USP31: variants seen among roughly 807,000 people sequenced by gnomAD.
USP31 encodes the protein ubiquitin specific peptidase 31.
In USP31, 44 loss-of-function variants were observed where a neutral mutation model predicts 119.4. The observed-to-expected ratio is 0.37, with a 90% CI of 0.29 to 0.47. The LOEUF is 0.47. Among genes scored for constraint, USP31 ranks in the 20% least tolerant of loss-of-function variants. The pLI, the probability that USP31 is intolerant of heterozygous loss-of-function variation, is 0.99. For synonymous variants in USP31, 749 were observed against 705.6 expected (o/e 1.06, Z -0.97); for missense variants, 1,643 against 1,730.2 (o/e 0.95, Z 0.89).
At chr16:23,089,618 A>C (rs1901263997) in intron 7 of USP31, among the ~76,000 whole-genome samples, 1 of 152,232 alleles carries the variant, frequency 6.6e-6, no homozygotes, top group Non-Finnish European at 1.5e-5. Flanking sequence ...AGGCTAACAT[A>C]AAGGCTATTC....
In USP31 at chr16:23,069,491, T is replaced by G. The variant is rs1900257681; in HGVS notation, c.2614A>C (p.Lys872Gln). ...CMRPSWSLSA[K>Q]LQMRSNSPSR... Reference sequence around the variant, plus strand: ...GGAGAATTGGAGCGCATCTGCAGCTTAGCAGACAGGGACCATGAAGGTCTC... The same window carrying G: ...GGAGAATTGGAGCGCATCTGCAGCTGAGCAGACAGGGACCATGAAGGTCTC... Residue 872 changes from lysine to glutamine, a missense_variant, in exon 16 of 16, where the codon AAG becomes CAG. Physicochemically the swap from Lys to Gln is moderately conservative, Grantham distance 53 (BLOSUM62 1). This residue lies in a region of USP31 where 699 missense variants were observed against 650.9 expected (regional missense o/e 1.07). Coordinates refer to ENST00000219689, the MANE Select transcript of USP31 (RefSeq NM_020718.4). The G allele has an allele frequency of 6.2e-7, 1 of 1,614,198 alleles. No individual in the cohort carries two copies. Among genetic ancestry groups the G allele is most frequent in the Non-Finnish European group, 8.5e-7 (1 of 1,180,032 alleles).
Position 23,102,427 on chromosome 16 carries a change from G to C in USP31, c.1126C>G (p.Arg376Gly), listed in dbSNP as rs146108628. 7.3e-5 allele frequency: 118 copies of C among 1,612,976 alleles called. No individual in the cohort carries two copies. Among genetic ancestry groups the C allele is most frequent in the Non-Finnish European group, 9.4e-5 (111 of 1,179,504 alleles). Residue 376 changes from arginine (R) to glycine (G), a missense_variant, in exon 6 of 16, where the codon CGT becomes GGT. Transcript: ENST00000219689. ...AGGTCGTCTGTATCACAAAAGGAAC[G>C]ATGGAACCCATCATAGTACATTTCT... The part of the protein sequence containing the change: ...LTEMYYDGFH[R>G]SFCDTDDLET...
At position 23,065,529 on chromosome 16, in the gene USP31, A is replaced by C. The variant is rs1198908447; in HGVS notation, c.*2517T>G. 6.6e-6 allele frequency: 1 copy of C among 152,610 alleles called. No homozygotes were observed. The highest frequency in any genetic ancestry group is 2.4e-5 in the African/African-American group (1 of 41,436). 9.5% of individuals were successfully genotyped at this position (152,610 alleles called of 1,614,324 possible). On this transcript the variant is annotated 3_prime_UTR_variant, in exon 16 of 16. Transcript: ENST00000219689. ...GATAATGAAATTTTCACTGTTTACC[A>C]ACTATGGAAATAAAATAGCTTCATG...
chr16:23,134,355 T>G (rs980128669), intron 1 of USP31, among the ~76,000 whole-genome samples: 2 of 152,126 alleles, frequency 1.3e-5, no homozygotes, highest in Non-Finnish European at 2.9e-5. Flanking sequence ...GGTAACAACA[T>G]CAGTTAGCTC....
intron 1 of USP31, among the ~76,000 whole-genome samples, chr16:23,120,977 A>T (rs1902648035): frequency 2.0e-5 from 3 of 150,870 alleles, no homozygotes; most frequent in African/African-American, 5.0e-5. Context: ...GAATACACTG[A>T]CATTTTATTA....
At chr16:23,070,831 T>G (rs1018889711) in intron 15 of USP31, among the ~76,000 whole-genome samples, 8 of 152,208 alleles carry the variant, frequency 5.3e-5, no homozygotes, top group Non-Finnish European at 8.8e-5. Flanking sequence ...GTTGTGATAT[T>G]TACAAAATTC....
At chr16:23,124,466 C>T (rs1902781468) in intron 1 of USP31, among the ~76,000 whole-genome samples, 1 of 152,212 alleles carries the variant, frequency 6.6e-6, no homozygotes, top group African/African-American at 2.4e-5. Flanking sequence ...TACAATGGCA[C>T]AGAATGTATC....
intron 1 of USP31, among the ~76,000 whole-genome samples, chr16:23,109,418 T>C (rs1264029403): frequency 6.6e-6 from 1 of 152,170 alleles, no homozygotes; most frequent in Non-Finnish European, 1.5e-5. Flanking sequence ...TATTGAGTTA[T>C]AACCCAAAGT....
At chr16:23,086,337 A>G (rs374050145) in intron 9 of USP31, among the ~76,000 whole-genome samples, 1 of 151,994 alleles carries the variant, frequency 6.6e-6, no homozygotes, top group East Asian at 1.9e-4. Flanking sequence ...AAAAATCATT[A>G]TAATAATTTT....
chr16:23,068,736 G>A lies in USP31; in HGVS notation c.3369C>T (p.Tyr1123=). ...TTTTGGCAGATGTGGAGGAAGCAGT[G>A]TAGGTGAGGGCCGAGGCTGACTTCT... The part of the protein sequence containing the change: ...QKQKSASALT[Y]TASSTSAKKA... The change falls in exon 16 of 16, where the codon TAC becomes TAT. Residue 1123 remains tyrosine (Y), a synonymous_variant. Coordinates refer to ENST00000219689, the MANE Select transcript of USP31 (RefSeq NM_020718.4). The A allele has an allele frequency of 6.2e-7, 1 of 1,606,732 alleles. No homozygotes were observed. Among genetic ancestry groups the A allele is most frequent in the Non-Finnish European group, 8.5e-7 (1 of 1,176,732 alleles).
At chr16:23,135,997 C>T (rs934070665) in intron 1 of USP31, among the ~76,000 whole-genome samples, 3 of 152,214 alleles carry the variant, frequency 2.0e-5, no homozygotes. Flanking sequence ...CTAATAAAAA[C>T]GGACATATAA....
At chr16:23,143,588 G>GGT (rs1903416260) in intron 1 of USP31, among the ~76,000 whole-genome samples, 1 of 150,990 alleles carries the variant, frequency 6.6e-6, no homozygotes, top group Admixed American at 6.6e-5. Flanking sequence ...GAGAGGTTGG[G>GGT]GGGGGGGAGA....
At chr16:23,110,194 GTTTA>G in intron 1 of USP31, among the ~76,000 whole-genome samples, 1 of 152,216 alleles carries the variant, frequency 6.6e-6, no homozygotes, top group East Asian at 1.9e-4. Context: ...TATCCTAAAA[GTTTA>G]TTTAAATACG....
chr16:23,109,952 G>C (rs886876891), intron 1 of USP31, among the ~76,000 whole-genome samples: 1 of 151,754 alleles, frequency 6.6e-6, no homozygotes. Flanking sequence ...ATGATGTGAC[G>C]ACTAAATGCA....
chr16:23,072,281 C>A, intron 14 of USP31, 84 bp from the exon 15 acceptor site: 1 of 1,531,262 alleles, frequency 6.5e-7, no homozygotes. Context: ...GAAGGTGTTA[C>A]GAGCTGAGCT....
rs573200951 is a variant in USP31 at position 23,067,222 on chromosome 16, A to G, written c.*824T>C. On this transcript the variant is annotated 3_prime_UTR_variant, in exon 16 of 16. Transcript: ENST00000219689. ...TCCAAGAGCCTTAGCTAGTAATTTC[A>G]GAAGGAAAAAAAATTAAACGAGTGA... The G allele has an allele frequency of 1.3e-5, 2 of 152,676 alleles. No individual in the cohort carries two copies. The highest frequency in any genetic ancestry group is 4.8e-5 in the African/African-American group (2 of 41,460). 9.5% of individuals were successfully genotyped at this position (152,676 alleles called of 1,614,324 possible).
intron 1 of USP31, among the ~76,000 whole-genome samples, chr16:23,134,122 C>G (rs1411394709): frequency 2.9e-5 from 4 of 137,538 alleles, no homozygotes; most frequent in Non-Finnish European, 3.2e-5. Flanking sequence ...CACACACACA[C>G]AAATCGAACA....
chr16:23,130,989 T>G (rs1055179329), intron 1 of USP31, among the ~76,000 whole-genome samples: 2 of 152,186 alleles, frequency 1.3e-5, no homozygotes, highest in African/African-American at 4.8e-5. Flanking sequence ...TTCTCTAACT[T>G]GGAGTATACG....
rs1900098027 is a variant in USP31, at chr16:23,066,957, CACA to C, written c.*1086_*1088del. 6.6e-6 allele frequency: 1 copy of C among 152,206 alleles called. No individual in the cohort carries two copies. Among genetic ancestry groups the C allele is most frequent in the Non-Finnish European group, 1.5e-5 (1 of 68,042 alleles). 9.4% of individuals were successfully genotyped at this position (152,206 alleles called of 1,614,324 possible). On this transcript the variant is annotated 3_prime_UTR_variant, in exon 16 of 16. Transcript: ENST00000219689. ...GAAGTGCATATGTAACACTTGATCA[CACA>C]ACGCTTCAACATACCACCATTGGCT...
Sources: gnomAD v4.1 joint callset for allele counts (sites outside exome capture counted in the v4.1 genomes callset) on GRCh38, gnomAD v4.1.1 for gene constraint, gnomAD v4.1.1 regional missense constraint, MANE v1.5 for transcripts, NCBI Gene and HGNC (gene_info 2026-07-23, HGNC 2026-07-21) for gene names.